PRSS38: variants seen among roughly 807,000 people sequenced by gnomAD.
PRSS38 encodes serine protease 38.
PRSS38 carries 22 observed loss-of-function variants against 26.8 expected under a neutral mutation model. The ratio of observed to expected loss-of-function variants is 0.82; its 90% CI spans 0.59 to 1.17. PRSS38 has a LOEUF of 1.17. Among genes scored for constraint, PRSS38 ranks in the 50% most tolerant of loss-of-function variants. The pLI is 0.00. For missense variants in PRSS38, 427 were observed against 422.7 expected, an observed-to-expected ratio of 1.01 and a Z score of -0.09; for synonymous variants, 175 against 172.1, an observed-to-expected ratio of 1.02 and a Z score of -0.13.
chr1:227,817,302 G>A, exon 3 of PRSS38: 6 of 1,614,182 alleles, frequency 3.7e-6, no homozygotes, highest in Non-Finnish European at 5.1e-6. Flanking sequence ...TGAACAGGGT[G>A]ATCCTGCACC....
exon 1 of PRSS38, chr1:227,815,838 A>G: frequency 6.2e-7 from 1 of 1,611,120 alleles, no homozygotes; most frequent in Non-Finnish European, 8.5e-7. Flanking sequence ...CCAGAGAACC[A>G]GGGAATCTCC....
rs114540011 is a variant in PRSS38 at position 227,843,317 on chromosome 1, A to G, written c.584-2153A>G. ...ATGATATTACATGATATCCAGTTCC[A>G]CAACAACACATATTTCCTCTTTCAT... On this transcript the variant is annotated intron_variant, in intron 3 of 4. Transcript: ENST00000366757. Among the ~76,000 whole-genome samples the G allele has an allele frequency of 4.6e-3, 695 of 152,318 alleles. 3 individuals carry two copies. Among genetic ancestry groups the G allele is most frequent in the African/African-American group, 0.015 (638 of 41,578 alleles).
intron 3 of PRSS38, among the ~76,000 whole-genome samples, chr1:227,840,567 A>G (rs1438063279): frequency 6.6e-6 from 1 of 152,132 alleles, no homozygotes; most frequent in Non-Finnish European, 1.5e-5. Flanking sequence ...GTCTCTGGCT[A>G]TTTCCATTCC....
intron 3 of PRSS38, among the ~76,000 whole-genome samples, chr1:227,834,641 C>A (rs994191010): frequency 2.0e-4 from 30 of 149,050 alleles, no homozygotes; most frequent in African/African-American, 7.2e-4. Flanking sequence ...TGCACTCCAG[C>A]CTGGGCAACA....
intron 3 of PRSS38, among the ~76,000 whole-genome samples, chr1:227,833,430 G>A (rs1665185791): frequency 1.3e-5 from 2 of 152,188 alleles, no homozygotes; most frequent in Admixed American, 6.5e-5. Context: ...GGGAGGTTGA[G>A]GCGGGAGAAT....
intron 3 of PRSS38, among the ~76,000 whole-genome samples, chr1:227,844,531 C>T (rs1027447058): frequency 1.4e-5 from 2 of 147,210 alleles, no homozygotes; most frequent in Non-Finnish European, 3.0e-5. Flanking sequence ...TGGTGGAGCT[C>T]CTCCCTACAT....
chr1:227,819,691 C>T (rs780311627), intron 3 of PRSS38, among the ~76,000 whole-genome samples: 10 of 152,160 alleles, frequency 6.6e-5, no homozygotes, highest in African/African-American at 9.7e-5. Flanking sequence ...TCACCTCCTT[C>T]ATTAAATTTA....
chr1:227,839,734 C>A (rs1159260738), intron 3 of PRSS38, among the ~76,000 whole-genome samples: 3 of 152,068 alleles, frequency 2.0e-5, no homozygotes, highest in African/African-American at 7.2e-5. Context: ...TGAGGTAACA[C>A]TTCCTAAATG....
Position 227,816,358 on chromosome 1 carries a change from C to A in PRSS38, c.311+106C>A. ...AAGCCTCCCCCATCACCATTGTCGA[C>A]TCCCTTCACCACTGTCGACCCGCGC... On this transcript the variant is annotated intron_variant, in intron 2 of 4. Coordinates refer to ENST00000366757, the Ensembl canonical transcript of PRSS38. This position sits in a 1 kb window ranked among gnomAD's most constrained non-coding sequence, Gnocchi z 5.1. 1.6e-6 allele frequency: 2 copies of A among 1,256,744 alleles called. No individual in the cohort carries two copies. The highest frequency in any genetic ancestry group is 2.2e-6 in the Non-Finnish European group (2 of 900,464). The allele number at this position is 1,256,744 out of a possible 1,614,324, so 77.8% of individuals were successfully genotyped here. A position where few individuals can be genotyped will look rare whatever the true frequency, so the allele number is the denominator to read the frequency against.
intron 3 of PRSS38, among the ~76,000 whole-genome samples, chr1:227,834,095 G>A (rs1366323930): frequency 6.6e-6 from 1 of 152,122 alleles, no homozygotes; most frequent in Non-Finnish European, 1.5e-5. Context: ...GCACCTGCCA[G>A]CCACAGAAAG....
At chr1:227,843,407 A>G (rs182312695) in intron 3 of PRSS38, among the ~76,000 whole-genome samples, 45 of 152,272 alleles carry the variant, frequency 3.0e-4, no homozygotes, top group South Asian at 1.7e-3. Flanking sequence ...ACACAAAAAC[A>G]AAAAACAAAA....
chr1:227,843,324 C>A (rs1055384683), intron 3 of PRSS38, among the ~76,000 whole-genome samples: 3 of 152,176 alleles, frequency 2.0e-5, no homozygotes, highest in Non-Finnish European at 4.4e-5. Flanking sequence ...TCCACAACAA[C>A]ACATATTTCC....
chr1:227,815,749 C>T lies in PRSS38; in HGVS notation c.33C>T (p.Leu11=), dbSNP rs200320979. 1.0e-4 allele frequency: 162 copies of T among 1,605,706 alleles called. 2 individuals carry two copies. In the East Asian group the frequency reaches 3.0e-3, roughly 30 times the overall value. Reference sequence around the variant, plus strand: ...CCCCTGCTTCCGTCATGGGCCCACTCGGGCCCTCTGCCCTGGGCCTTCTGC... The same window carrying T: ...CCCCTGCTTCCGTCATGGGCCCACTTGGGCCCTCTGCCCTGGGCCTTCTGC... The change falls in exon 1 of 5, where the codon CTC becomes CTT. Residue 11 remains leucine, a synonymous_variant. Transcript: ENST00000366757.
At chr1:227,841,674 C>T (rs1457902268) in intron 3 of PRSS38, among the ~76,000 whole-genome samples, 1 of 152,170 alleles carries the variant, frequency 6.6e-6, no homozygotes, top group African/African-American at 2.4e-5. Context: ...TTAACCACAA[C>T]CAGGAAAGGG....
chr1:227,822,786 C>T (rs1174385997), intron 3 of PRSS38, among the ~76,000 whole-genome samples: 1 of 152,172 alleles, frequency 6.6e-6, no homozygotes, highest in Non-Finnish European at 1.5e-5. Flanking sequence ...TGCACCAAGC[C>T]TAGGGATCAG....
At chr1:227,843,745 C>G (rs1032830315) in intron 3 of PRSS38, among the ~76,000 whole-genome samples, 2 of 151,498 alleles carry the variant, frequency 1.3e-5, no homozygotes, top group African/African-American at 4.9e-5. Context: ...ACCAACCAAG[C>G]ACAGTGGCTC....
chr1:227,818,178 A>G (rs1412191000), intron 3 of PRSS38, among the ~76,000 whole-genome samples: 1 of 152,184 alleles, frequency 6.6e-6, no homozygotes, highest in Admixed American at 6.5e-5. Flanking sequence ...TTTGATTGGA[A>G]ATGCTTATAA....
intron 3 of PRSS38, among the ~76,000 whole-genome samples, chr1:227,828,818 A>G (rs2102678342): frequency 6.6e-6 from 1 of 152,270 alleles, no homozygotes; most frequent in Non-Finnish European, 1.5e-5. Context: ...GCCAGAGTAT[A>G]CAAAACTCCT....
chr1:227,845,570 G>T (rs1170196567), exon 4 of PRSS38: 2 of 1,613,782 alleles, frequency 1.2e-6, no homozygotes, highest in East Asian at 4.5e-5. Flanking sequence ...TGCCCGACAT[G>T]CTGTGTGCTG....
Sources: allele counts gnomAD v4.1 joint callset (sites outside exome capture counted in the v4.1 genomes callset), GRCh38; gene constraint gnomAD v4.1.1; non-coding constraint Gnocchi (gnomAD v3.1); transcripts MANE v1.5; gene names NCBI Gene and HGNC (gene_info 2026-07-23, HGNC 2026-07-21).